Variants in SNX30 observed in about 807,000 individuals in gnomAD.
The protein encoded by SNX30 is sorting nexin family member 30.
A neutral mutation model predicts 46.4 loss-of-function variants in SNX30; 24 were observed. The ratio of observed to expected loss-of-function variants is 0.52; its 90% CI spans 0.37 to 0.73. SNX30 has a LOEUF of 0.73. Ranked by LOEUF, SNX30 falls within the 30% of genes least tolerant of loss-of-function variation. The pLI is 0.00. For missense variants in SNX30, 533 were observed against 555.7 expected (o/e 0.96, Z 0.41); for synonymous variants, 189 against 211.5 (o/e 0.89, Z 0.92).
chr9:112,868,959 C>G lies in SNX30; in HGVS notation c.*116C>G, dbSNP rs761405262. 2.9e-6 allele frequency: 3 copies of G among 1,025,166 alleles called. No individual in the cohort carries two copies. The highest frequency in any genetic ancestry group is 4.6e-6 in the Non-Finnish European group (3 of 656,210). The allele number at this position is 1,025,166 out of a possible 1,614,324, so 63.5% of individuals were successfully genotyped here. A position where few individuals can be genotyped will look rare whatever the true frequency, so the allele number is the denominator to read the frequency against. ...GGAAAACAACCACAGAAACATCTCT[C>G]CTTTGTGTATTTTTCCCTCCCCCAC... On this transcript the variant is annotated 3_prime_UTR_variant, in exon 9 of 9. Coordinates refer to ENST00000374232, the MANE Select transcript of SNX30 (RefSeq NM_001012994.2).
chr9:112,852,745 C>G (rs10759596), intron 7 of SNX30, among the ~76,000 whole-genome samples: 121,578 of 152,084 alleles, frequency 0.8, 48,782 homozygotes, highest in South Asian at 0.87. Context: ...GTAAGTGGAA[C>G]GTGTATTTGT....
At chr9:112,810,986 AC>A (rs1840310414) in intron 2 of SNX30, among the ~76,000 whole-genome samples, 1 of 152,104 alleles carries the variant, frequency 6.6e-6, no homozygotes, top group Non-Finnish European at 1.5e-5. Flanking sequence ...TCACAGAGGG[AC>A]CGATGGCAGG....
chr9:112,797,711 C>T (rs199952002), intron 1 of SNX30, among the ~76,000 whole-genome samples: 19 of 121,340 alleles, frequency 1.6e-4, no homozygotes, highest in African/African-American at 2.8e-4. Flanking sequence ...TTTTCTTTTT[C>T]TTTTTTTTTT....
At chr9:112,856,989 G>A (rs1841141753) in intron 7 of SNX30, among the ~76,000 whole-genome samples, 1 of 152,204 alleles carries the variant, frequency 6.6e-6, no homozygotes, top group Non-Finnish European at 1.5e-5. Flanking sequence ...GTCAACAAAT[G>A]GTGGAGCCGG....
At chr9:112,812,949 C>T (rs1192657139) in intron 2 of SNX30, among the ~76,000 whole-genome samples, 1 of 152,100 alleles carries the variant, frequency 6.6e-6, no homozygotes, top group Non-Finnish European at 1.5e-5. Flanking sequence ...GAATTTGAGA[C>T]CAGCCTGGTC....
chr9:112,761,155 T>TTTTG lies in SNX30; in HGVS notation c.156+10018_156+10021dup, dbSNP rs144683493. Reference sequence around the variant, plus strand: ...CAGTAGCTAGTCCTAGAGGGCGTGGTTTTGTTTGTTTGTTTGTTTGTTTTT... The same window carrying TTTTG: ...CAGTAGCTAGTCCTAGAGGGCGTGGTTTTGTTTGTTTGTTTGTTTGTTTGTTTTT... On this transcript the variant is annotated intron_variant, in intron 1 of 8. Transcript: ENST00000374232. Among the ~76,000 whole-genome samples, 290 of 151,738 alleles carry TTTTG rather than the reference T, an allele frequency of 1.9e-3. 2 individuals carry two copies. The highest frequency in any genetic ancestry group is 8.7e-3 in the South Asian group (42 of 4,808).
downstream of SNX30, among the ~76,000 whole-genome samples, chr9:112,876,731 G>A (rs998587064): frequency 6.6e-6 from 1 of 151,418 alleles, no homozygotes; most frequent in South Asian, 2.1e-4. Context: ...GAAGCCAGGA[G>A]TTCGAGACCG....
rs1254702422 is a variant in SNX30 at position 112,868,679 on chromosome 9, T to C, written c.1255-105T>C. 3.4e-6 allele frequency: 4 copies of C among 1,185,784 alleles called. No individual in the cohort carries two copies. The African/African-American group carries it at 6.0e-5, about 18-fold the overall frequency. The allele number at this position is 1,185,784 out of a possible 1,614,324, so 73.5% of individuals were successfully genotyped here. On this transcript the variant is annotated intron_variant, in intron 8 of 8. Coordinates refer to ENST00000374232, the MANE Select transcript of SNX30 (RefSeq NM_001012994.2). ...ACATGCAGGCATCATTAGACAAAGG[T>C]AACCCAGCAGGATCGACAACGAAAG... is the stretch of plus-strand genomic sequence containing the variant.
At chr9:112,859,152 C>T (rs1405329102) in intron 7 of SNX30, among the ~76,000 whole-genome samples, 2 of 152,122 alleles carry the variant, frequency 1.3e-5, no homozygotes, top group Non-Finnish European at 2.9e-5. Flanking sequence ...TTTGACCATT[C>T]TAGATACCTC....
downstream of SNX30, chr9:112,878,931 T>C (rs139239754): frequency 2.4e-4 from 37 of 152,296 alleles, 1 homozygote; most frequent in African/African-American, 8.7e-4. Context: ...ACAATGAATG[T>C]TGATTTTATT....
At chr9:112,805,089 G>T (rs550745701) in intron 2 of SNX30, 122 bp downstream of exon 2, 4 of 575,472 alleles carry the variant, frequency 7.0e-6, no homozygotes, top group African/African-American at 5.7e-5. Flanking sequence ...GATTGCAATT[G>T]TGAGTGTGGC....
At chr9:112,879,713 T>C, downstream of SNX30, 1 of 1,558,278 alleles carries the variant, frequency 6.4e-7, no homozygotes, top group Non-Finnish European at 8.8e-7. Context: ...TTTTGTCTTC[T>C]GGGGGCCTGG....
At chr9:112,777,421 T>C (rs1839764453) in intron 1 of SNX30, among the ~76,000 whole-genome samples, 1 of 140,714 alleles carries the variant, frequency 7.1e-6, no homozygotes, top group Non-Finnish European at 1.5e-5. Flanking sequence ...TTTAAAGATA[T>C]TTATTTATTT....
intron 2 of SNX30, among the ~76,000 whole-genome samples, chr9:112,807,033 T>C (rs1564275238): frequency 6.7e-6 from 1 of 149,034 alleles, no homozygotes; most frequent in Non-Finnish European, 1.5e-5. Context: ...ATGTTACTAC[T>C]CTGTCTTTTC....
intron 1 of SNX30, among the ~76,000 whole-genome samples, chr9:112,778,328 A>C (rs1839782411): frequency 7.0e-6 from 1 of 142,992 alleles, no homozygotes; most frequent in South Asian, 2.2e-4. Flanking sequence ...GCTGGAGTAC[A>C]GTGGTGCGAT....
intron 7 of SNX30, among the ~76,000 whole-genome samples, chr9:112,853,024 G>A (rs1481252729): frequency 6.6e-6 from 1 of 152,184 alleles, no homozygotes; most frequent in Non-Finnish European, 1.5e-5. Context: ...AGGCCCGGGG[G>A]AAGGCATTGT....
intron 3 of SNX30, among the ~76,000 whole-genome samples, chr9:112,824,628 A>G (rs1840554266): frequency 6.6e-6 from 1 of 152,036 alleles, no homozygotes; most frequent in Non-Finnish European, 1.5e-5. Context: ...TAATATCAAC[A>G]TATAGGCTAG....
intron 2 of SNX30, among the ~76,000 whole-genome samples, chr9:112,811,601 G>A (rs774173799): frequency 1.3e-5 from 2 of 152,172 alleles, no homozygotes; most frequent in Non-Finnish European, 1.5e-5. Flanking sequence ...GACCAGGGAC[G>A]TATCCACGTG....
Position 112,869,106 on chromosome 9 carries a change from T to G in SNX30, c.*263T>G. 4.7e-6 allele frequency: 2 copies of G among 427,000 alleles called. No individual in the cohort carries two copies. The highest frequency in any genetic ancestry group is 8.6e-6 in the Non-Finnish European group (2 of 232,164). 26.5% of individuals were successfully genotyped at this position (427,000 alleles called of 1,614,324 possible). A position where few individuals can be genotyped will look rare whatever the true frequency, so the allele number is the denominator to read the frequency against. ...TGAAGGCATCTGTTCAGTGAAGCAC[T>G]ACGAAAATTTGAAACCAAGGGACAA... On this transcript the variant is annotated 3_prime_UTR_variant, in exon 9 of 9. Coordinates refer to ENST00000374232, the MANE Select transcript of SNX30 (RefSeq NM_001012994.2).
Sources: allele counts gnomAD v4.1 joint callset (sites outside exome capture counted in the v4.1 genomes callset), GRCh38; gene constraint gnomAD v4.1.1; transcripts MANE v1.5; gene names NCBI Gene and HGNC (gene_info 2026-07-23, HGNC 2026-07-21).